The following NMT2 variants were observed in gnomAD, a reference collection of about 807,000 sequenced individuals.
NMT2 encodes N-myristoyltransferase 2.
A neutral mutation model predicts 65.4 loss-of-function variants in NMT2; 35 were observed. That is an observed-to-expected ratio of 0.54 (90% CI 0.41 to 0.71). NMT2 has a LOEUF of 0.71. Ranked by LOEUF, NMT2 falls within the 30% of genes least tolerant of loss-of-function variation. NMT2 has a pLI of 0.00. For synonymous variants in NMT2, 226 were observed against 231.8 expected, an observed-to-expected ratio of 0.98 and a Z score of 0.23; for missense variants, 489 against 611.3, an observed-to-expected ratio of 0.80 and a Z score of 2.11.
chr10:15,112,749 C>A, intron 10 of NMT2, 47 bp downstream of exon 10: 1 of 1,548,540 alleles, frequency 6.5e-7, no homozygotes, highest in Non-Finnish European at 8.7e-7. Context: ...TAGTTTGGCA[C>A]AGACATTTGG....
At chr10:15,158,756 C>A (rs1363854604) in intron 1 of NMT2, among the ~76,000 whole-genome samples, 1 of 152,194 alleles carries the variant, frequency 6.6e-6, no homozygotes, top group Non-Finnish European at 1.5e-5. Flanking sequence ...ACATTTATTT[C>A]TTACAGTTCT....
intron 1 of NMT2, among the ~76,000 whole-genome samples, chr10:15,156,385 C>T (rs994522862): frequency 2.0e-5 from 3 of 152,204 alleles, no homozygotes; most frequent in Admixed American, 6.5e-5. Context: ...TTTCCTAAGG[C>T]TTCTCCAACT....
At chr10:15,144,010 A>G (rs759488349) in intron 1 of NMT2, among the ~76,000 whole-genome samples, 1 of 152,114 alleles carries the variant, frequency 6.6e-6, no homozygotes, top group Non-Finnish European at 1.5e-5. Context: ...CACTTATTCT[A>G]TAACTTACAA....
chr10:15,113,069 A>AAGT (rs2131474086), intron 9 of NMT2, 106 bp from the exon 10 acceptor site: 2 of 1,175,488 alleles, frequency 1.7e-6, no homozygotes, highest in Admixed American at 2.0e-5. Flanking sequence ...AAAAGCAGTA[A>AAGT]GTCACACTTC....
intron 1 of NMT2, among the ~76,000 whole-genome samples, chr10:15,148,252 TC>T (rs1380426222): frequency 6.6e-6 from 1 of 152,206 alleles, no homozygotes; most frequent in Non-Finnish European, 1.5e-5. Context: ...ATGTCTGTAA[TC>T]CCAGCACTTT....
intron 1 of NMT2, among the ~76,000 whole-genome samples, chr10:15,160,901 G>A (rs1833166143): frequency 6.6e-6 from 1 of 151,440 alleles, no homozygotes; most frequent in Admixed American, 6.6e-5. Flanking sequence ...CAGACAAAAA[G>A]AATAAGATTA....
intron 9 of NMT2, among the ~76,000 whole-genome samples, chr10:15,118,013 T>C (rs992546272): frequency 8.5e-5 from 13 of 152,196 alleles, no homozygotes; most frequent in African/African-American, 3.1e-4. Context: ...AAAATAAGCT[T>C]ATTCTAAAAT....
At chr10:15,164,266 A>G (rs767455607) in intron 1 of NMT2, among the ~76,000 whole-genome samples, 3 of 152,124 alleles carry the variant, frequency 2.0e-5, no homozygotes, top group Non-Finnish European at 4.4e-5. Context: ...TCTGCCAACA[A>G]AAACATACTC....
chr10:15,130,703 C>CAAAAAAAAAAAAAAAAAAAAAAAAA (rs974360507), intron 6 of NMT2, among the ~76,000 whole-genome samples: 2 of 28,622 alleles, frequency 7.0e-5, no homozygotes, highest in African/African-American at 2.5e-4. Context: ...GGCCCTGTCT[C>CAAAAAAAAAAAAAAAAAAAAAAAAA]AAAAAAAAAA....
chr10:15,126,551 T>A (rs1231344224), intron 8 of NMT2, among the ~76,000 whole-genome samples: 1 of 152,178 alleles, frequency 6.6e-6, no homozygotes, highest in Non-Finnish European at 1.5e-5. Context: ...TCTCACTGGC[T>A]TTGATGAATA....
At chr10:15,158,517 A>G (rs1448252137) in intron 1 of NMT2, among the ~76,000 whole-genome samples, 2 of 152,172 alleles carry the variant, frequency 1.3e-5, no homozygotes, top group Non-Finnish European at 2.9e-5. Flanking sequence ...AAATTTGTCA[A>G]TGGGAATTAA....
intron 4 of NMT2, 39 bp downstream of exon 4, chr10:15,133,206 A>G (rs41284465): frequency 0.014 from 22,776 of 1,597,470 alleles, 185 homozygotes; most frequent in Middle Eastern, 0.027. Context: ...GCAATGTGTG[A>G]ATGCAGGAGT....
intron 1 of NMT2, among the ~76,000 whole-genome samples, chr10:15,149,284 C>A (rs111171976): frequency 2.2e-3 from 329 of 146,674 alleles, no homozygotes; most frequent in Non-Finnish European, 4.0e-3. Context: ...ATTGCCATCA[C>A]CACCATCACT....
chr10:15,135,891 A>G (rs1001424967), intron 2 of NMT2, among the ~76,000 whole-genome samples: 1 of 149,974 alleles, frequency 6.7e-6, no homozygotes, highest in Non-Finnish European at 1.5e-5. Context: ...GGAGGGAAAG[A>G]AGAGAGAGAG....
At chr10:15,140,974 A>G (rs563564716) in intron 2 of NMT2, 4 of 1,550,148 alleles carry the variant, frequency 2.6e-6, no homozygotes, top group Non-Finnish European at 3.5e-6. Context: ...TTCAAAGTCA[A>G]CGAGAGACTT....
intron 1 of NMT2, among the ~76,000 whole-genome samples, chr10:15,158,113 C>G (rs1833061693): frequency 6.6e-6 from 1 of 152,100 alleles, no homozygotes; most frequent in Non-Finnish European, 1.5e-5. Flanking sequence ...GTCAGGAGTT[C>G]AAGACCATCC....
Position 15,132,793 on chromosome 10 carries a change from G to A in NMT2, c.719+24C>T, listed in dbSNP as rs145788206. ...CTTAGAAAATAAACATATAAAAACC[G>A]CATGGACGAGCTTAAACATGTACCT... On this transcript the variant is annotated intron_variant, in intron 6 of 11. Coordinates refer to ENST00000378165, the MANE Select transcript of NMT2 (RefSeq NM_004808.3). 6.3e-4 allele frequency: 927 copies of A among 1,475,062 alleles called. 8 individuals are homozygous for A. The African/African-American group carries it at 0.011, about 17-fold the overall frequency. 91.4% of individuals were successfully genotyped at this position (1,475,062 alleles called of 1,614,324 possible).
chr10:15,141,025 T>G (rs1420097492), intron 2 of NMT2: 3 of 1,550,726 alleles, frequency 1.9e-6, no homozygotes, highest in African/African-American at 2.7e-5. Context: ...CCAGATGGTG[T>G]TGTGCTATTC....
At chr10:15,163,235 C>T (rs528540602) in intron 1 of NMT2, among the ~76,000 whole-genome samples, 12 of 152,216 alleles carry the variant, frequency 7.9e-5, no homozygotes, top group African/African-American at 1.9e-4. Flanking sequence ...TTTGAATAAG[C>T]GTATTTTTAA....
Sources: gnomAD v4.1 joint callset for allele counts (sites outside exome capture counted in the v4.1 genomes callset) on GRCh38, gnomAD v4.1.1 for gene constraint, MANE v1.5 for transcripts, NCBI Gene and HGNC (gene_info 2026-07-23, HGNC 2026-07-21) for gene names.